The following SLC5A6 variants were observed in gnomAD, a reference collection of about 807,000 sequenced individuals.
The protein encoded by SLC5A6 is sodium-dependent multivitamin transporter.
A neutral mutation model predicts 67.9 loss-of-function variants in SLC5A6; 31 were observed. The observed-to-expected ratio is 0.46, with a 90% CI of 0.34 to 0.62. The LOEUF is 0.62. Ranked by LOEUF, SLC5A6 falls within the 20% of genes least tolerant of loss-of-function variation. SLC5A6 has a pLI of 0.01. For synonymous variants in SLC5A6, 343 were observed against 331.0 expected (o/e 1.04, Z -0.39); for missense variants, 673 against 812.8 (o/e 0.83, Z 2.09).
Position 27,206,062 on chromosome 2 carries a change from C to T in SLC5A6, c.543G>A (p.Leu181=), listed in dbSNP as rs758437015. The T allele has an allele frequency of 3.7e-6, 6 of 1,614,134 alleles. No homozygotes were observed. The East Asian group carries it at 6.7e-5, about 18-fold the overall frequency. The change falls in exon 6 of 17, where the codon CTG becomes CTA. Residue 181 remains leucine (L), a synonymous_variant. Transcript: ENST00000310574. ...AGACGGTACAGACAATGCCCAGGGC[C>T]AGCACGGACAGCCACAGATCAAAGC... The part of the protein sequence containing the change: ...VTGFDLWLSV[L]ALGIVCTVYT...
At chr2:27,203,903 A>C in intron 9 of SLC5A6, 36 bp from the exon 10 acceptor site, 1 of 1,522,936 alleles carries the variant, frequency 6.6e-7, no homozygotes, top group Non-Finnish European at 9.1e-7. Context: ...CAGTCCTCAG[A>C]GAGGGGTCTT....
chr2:27,212,707 ATAACTT>A (rs766269297), upstream of SLC5A6: 64 of 1,275,974 alleles, frequency 5.0e-5, no homozygotes, highest in Non-Finnish European at 6.3e-5. Flanking sequence ...TAATTTTAGA[ATAACTT>A]TAAGTTCTTT....
intron 9 of SLC5A6, 109 bp downstream of exon 9, chr2:27,204,352 G>A (rs958149067): frequency 1.5e-5 from 19 of 1,270,974 alleles, no homozygotes; most frequent in Middle Eastern, 2.9e-4. Flanking sequence ...TTTTACAACC[G>A]TCTCCCACCC....
Position 27,205,491 on chromosome 2 carries a change from G to A in SLC5A6, c.593C>T (p.Ala198Val). 6.2e-7 allele frequency: 1 copy of A among 1,614,172 alleles called. No homozygotes were observed. The change falls in exon 7 of 17, where the codon GCC becomes GTC. Residue 198 changes from alanine to valine, a missense_variant. Ala to Val is a moderately conservative substitution (Grantham distance 64, BLOSUM62 0). Transcript: ENST00000310574. Reference sequence around the variant, plus strand: ...CTGGAACACATCTGTCCAGATGACGGCCTTCAGCCCACCCTGCAAGGAAAG... The same window carrying A: ...CTGGAACACATCTGTCCAGATGACGACCTTCAGCCCACCCTGCAAGGAAAG... ...TVYTALGGLK[A>V]VIWTDVFQTL...
chr2:27,204,706 T>G, intron 8 of SLC5A6, 85 bp downstream of exon 8: 1 of 1,602,882 alleles, frequency 6.2e-7, no homozygotes, highest in African/African-American at 1.3e-5. Context: ...GTGTATGCAC[T>G]CTGGCATCCT....
At chr2:27,212,308 G>C (rs1674602176), upstream of SLC5A6, 2 of 1,549,814 alleles carry the variant, frequency 1.3e-6, no homozygotes, top group East Asian at 4.9e-5. Flanking sequence ...GGCCTGACGC[G>C]CTGCGGGGCG....
intron 2 of SLC5A6, among the ~76,000 whole-genome samples, chr2:27,210,229 G>A (rs1428581402): frequency 6.6e-6 from 1 of 152,178 alleles, no homozygotes; most frequent in Non-Finnish European, 1.5e-5. Flanking sequence ...TGGCCTGAGA[G>A]AGCCCCAGGG....
Position 27,206,079 on chromosome 2 carries a change from G to C in SLC5A6, c.526C>G (p.Leu176Val). ...CCCAGGGCCAGCACGGACAGCCACA[G>C]ATCAAAGCCAGTCACTGTAAGCATA... is the stretch of plus-strand genomic sequence containing the variant. ...LALNAVTGFD[L>V]WLSVLALGIV... The change falls in exon 6 of 17, where the codon CTG becomes GTG. Residue 176 changes from leucine to valine, a missense_variant. Leu to Val is a conservative substitution (Grantham distance 32). Transcript: ENST00000310574. 1 of 1,614,122 alleles carries C rather than the reference G, an allele frequency of 6.2e-7. No homozygotes were observed. The highest frequency in any genetic ancestry group is 8.5e-7 in the Non-Finnish European group (1 of 1,179,998).
At chr2:27,212,278 A>G (rs908633653), upstream of SLC5A6, 2 of 1,554,550 alleles carry the variant, frequency 1.3e-6, no homozygotes, top group Non-Finnish European at 1.7e-6. Flanking sequence ...CGGGCCGCTT[A>G]GGCCACGCCC....
At chr2:27,212,425 G>C, upstream of SLC5A6, 1 of 1,556,900 alleles carries the variant, frequency 6.4e-7, no homozygotes, top group Non-Finnish European at 8.7e-7. Flanking sequence ...CTGCCGCCCT[G>C]CTCCTCGCTC....
At chr2:27,212,634 G>T (rs1674630349), upstream of SLC5A6, 2 of 1,407,848 alleles carry the variant, frequency 1.4e-6, no homozygotes, top group East Asian at 5.5e-5. Flanking sequence ...CTCACGTCGT[G>T]CAGGCCTTCG....
Position 27,202,009 on chromosome 2 carries a change from G to A in SLC5A6, c.1341C>T (p.Phe447=). 6.2e-7 allele frequency: 1 copy of A among 1,614,116 alleles called. No individual in the cohort carries two copies. Among genetic ancestry groups the A allele is most frequent in the Non-Finnish European group, 8.5e-7 (1 of 1,179,948 alleles). Residue 447 remains phenylalanine, a synonymous_variant, in exon 13 of 17, where the codon TTC becomes TTT. Coordinates refer to ENST00000310574, the MANE Select transcript of SLC5A6 (RefSeq NM_021095.4). ...PLLGLFCLGM[F]FPCANPPGAV... The stretch of plus-strand genomic sequence containing the variant: ...TCACAGGAGGGTTAGCACATGGAAA[G>A]AACATTCCAAGGCAGAAGAGTCCCA...
intron 2 of SLC5A6, among the ~76,000 whole-genome samples, chr2:27,209,645 A>T (rs1558514143): frequency 6.6e-6 from 1 of 152,224 alleles, no homozygotes; most frequent in Non-Finnish European, 1.5e-5. Context: ...TTCACAGGAC[A>T]TAGTTTAGAT....
Position 27,207,261 on chromosome 2 carries a change from A to G in SLC5A6, c.390T>C (p.Tyr130=), listed in dbSNP as rs1457665415. ...TCTCCCTTCTGTCCCTGCTCACCTC[A>G]TAGGCACTGGTGAGATGCAGGCGGT... ...VFYRLHLTSA[Y]EYLELRFNKT... is the part of the protein sequence containing the mutation. Residue 130 remains tyrosine (Y), a synonymous_variant, in exon 3 of 17, where the codon TAT becomes TAC. Coordinates refer to ENST00000310574, the MANE Select transcript of SLC5A6 (RefSeq NM_021095.4). This position sits in a 1 kb window ranked among gnomAD's most constrained non-coding sequence, Gnocchi z 5.5. The G allele has an allele frequency of 6.2e-7, 1 of 1,613,764 alleles. No homozygotes were observed. The highest frequency in any genetic ancestry group is 1.1e-5 in the South Asian group (1 of 91,070).
intron 12 of SLC5A6, among the ~76,000 whole-genome samples, chr2:27,202,294 G>A (rs565516632): frequency 2.0e-5 from 3 of 152,104 alleles, no homozygotes; most frequent in South Asian, 2.1e-4. Context: ...CTGAGGTCAG[G>A]AGCTCCAGAC....
chr2:27,211,148 C>T (rs1674464112), intron 2 of SLC5A6, among the ~76,000 whole-genome samples: 1 of 152,240 alleles, frequency 6.6e-6, no homozygotes, highest in Non-Finnish European at 1.5e-5. Flanking sequence ...AAAAGATTCC[C>T]TCAAAATCTG....
chr2:27,203,365 T>C lies in SLC5A6; in HGVS notation c.1095-20A>G, dbSNP rs747812522. The C allele has an allele frequency of 1.9e-6, 3 of 1,612,672 alleles. No individual in the cohort carries two copies. Among genetic ancestry groups the C allele is most frequent in the Non-Finnish European group, 2.5e-6 (3 of 1,179,212 alleles). The stretch of plus-strand genomic sequence containing the variant: ...ATAGTGCTGAAAAAGAGGAAGAGGA[T>C]GAGGAGTTGAGCGAGGCAAAATTGT... On this transcript the variant is annotated intron_variant, in intron 10 of 16. Coordinates refer to ENST00000310574, the MANE Select transcript of SLC5A6 (RefSeq NM_021095.4).
chr2:27,202,707 C>G, intron 12 of SLC5A6, 106 bp downstream of exon 12: 4 of 985,712 alleles, frequency 4.1e-6, no homozygotes, highest in Non-Finnish European at 6.5e-6. Context: ...ATCTCTTACG[C>G]CTGCCCCCCG....
At chr2:27,212,663 CT>C, upstream of SLC5A6, 1 of 1,382,198 alleles carries the variant, frequency 7.2e-7, no homozygotes, top group African/African-American at 1.5e-5. Flanking sequence ...GTCCTGCCGA[CT>C]TTCAAAGACC....
Sources: gnomAD v4.1 joint callset for allele counts (sites outside exome capture counted in the v4.1 genomes callset) on GRCh38, gnomAD v4.1.1 for gene constraint, Gnocchi (gnomAD v3.1) non-coding constraint, MANE v1.5 for transcripts, NCBI Gene and HGNC (gene_info 2026-07-23, HGNC 2026-07-21) for gene names.